Variants in LIPC observed in about 807,000 individuals in gnomAD.
The protein encoded by LIPC is lipase C, hepatic type, also known as hepatic triacylglycerol lipase.
Under a neutral mutation model 50.7 loss-of-function variants are expected in LIPC, and 44 were observed. That is an observed-to-expected ratio of 0.87 (90% CI 0.68 to 1.11). The LOEUF is 1.11. LIPC is among the 50% of genes most tolerant of loss of function. The pLI is 0.00. For synonymous variants in LIPC, 271 were observed against 256.4 expected (o/e 1.06, Z -0.54); for missense variants, 697 against 648.2 (o/e 1.08, Z -0.82).
chr15:58,542,749 C>A (rs1893378056), intron 4 of LIPC, 98 bp downstream of exon 4: 1 of 800,352 alleles, frequency 1.2e-6, no homozygotes, highest in South Asian at 1.3e-5. Flanking sequence ...AACACCCCAA[C>A]ACTTATTGTG....
At chr15:58,448,365 T>G (rs1397621110) in intron 1 of LIPC, among the ~76,000 whole-genome samples, 5 of 152,228 alleles carry the variant, frequency 3.3e-5, no homozygotes, top group Admixed American at 3.3e-4. Flanking sequence ...TCTTCTTAGC[T>G]CAGGACTGGG....
chr15:58,433,185 C>A (rs1475801754), intron 1 of LIPC, among the ~76,000 whole-genome samples: 2 of 152,178 alleles, frequency 1.3e-5, no homozygotes, highest in Non-Finnish European at 2.9e-5. Flanking sequence ...TAATTTAGAG[C>A]CATACAGGTA....
chr15:58,472,240 C>T (rs1890834170), intron 1 of LIPC, among the ~76,000 whole-genome samples: 1 of 142,080 alleles, frequency 7.0e-6, no homozygotes, highest in African/African-American at 2.6e-5. Context: ...CATTGCACTC[C>T]ACCCTGGGCA....
intron 1 of LIPC, among the ~76,000 whole-genome samples, chr15:58,458,159 G>A (rs1179659124): frequency 1.2e-5 from 1 of 85,450 alleles, no homozygotes; most frequent in Non-Finnish European, 2.5e-5. Flanking sequence ...ACAGAAGCAG[G>A]GAAATTGCTG....
intron 1 of LIPC, among the ~76,000 whole-genome samples, chr15:58,497,195 T>A (rs1208491609): frequency 6.6e-6 from 1 of 151,958 alleles, no homozygotes; most frequent in Non-Finnish European, 1.5e-5. Context: ...GTGCAGTAAA[T>A]CCAAATCTTT....
intron 8 of LIPC, 50 bp from the exon 9 acceptor site, chr15:58,568,665 TA>T: frequency 9.7e-7 from 1 of 1,033,226 alleles, no homozygotes. Context: ...AACACTTCAA[TA>T]AGCTCCACCT....
At chr15:58,488,203 G>A (rs768080432) in intron 1 of LIPC, among the ~76,000 whole-genome samples, 12 of 152,294 alleles carry the variant, frequency 7.9e-5, no homozygotes, top group Admixed American at 4.6e-4. Flanking sequence ...TCCAAGAGGC[G>A]GAGGTGGCAT....
chr15:58,561,184 G>T (rs1385815805), intron 7 of LIPC, among the ~76,000 whole-genome samples: 1 of 152,202 alleles, frequency 6.6e-6, no homozygotes, highest in Non-Finnish European at 1.5e-5. Flanking sequence ...GCCTCAGGAG[G>T]TCCTGGTGAC....
At chr15:58,436,734 CA>C (rs764628843) in intron 1 of LIPC, 11 of 456,070 alleles carry the variant, frequency 2.4e-5, no homozygotes, top group Non-Finnish European at 4.4e-5. Flanking sequence ...AGTAGAGAAG[CA>C]GATTTTACTT....
chr15:58,558,102 C>G (rs1455552190), intron 6 of LIPC, among the ~76,000 whole-genome samples: 4 of 150,036 alleles, frequency 2.7e-5, no homozygotes, highest in African/African-American at 4.9e-5. Flanking sequence ...GAGACAGACT[C>G]TTGCCCTGTC....
At chr15:58,451,596 T>A (rs1304161054) in intron 1 of LIPC, among the ~76,000 whole-genome samples, 1 of 152,162 alleles carries the variant, frequency 6.6e-6, no homozygotes, top group African/African-American at 2.4e-5. Flanking sequence ...GGCAGGAGAA[T>A]GGGATGTCTG....
intron 1 of LIPC, among the ~76,000 whole-genome samples, chr15:58,455,136 T>G (rs559670669): frequency 1.2e-3 from 181 of 152,354 alleles, no homozygotes; most frequent in Non-Finnish European, 1.9e-3. Flanking sequence ...TATTTATACA[T>G]GGACATTGGC....
intron 1 of LIPC, among the ~76,000 whole-genome samples, chr15:58,498,226 C>T (rs186556799): frequency 7.2e-5 from 11 of 152,288 alleles, no homozygotes; most frequent in Non-Finnish European, 1.5e-4. Flanking sequence ...ATCTCAAATC[C>T]AGGATCCTCG....
chr15:58,567,306 C>CAT (rs377413022), intron 8 of LIPC, among the ~76,000 whole-genome samples: 44,021 of 106,888 alleles, frequency 0.41, 9,896 homozygotes, highest in Non-Finnish European at 0.53. Flanking sequence ...TATATATATA[C>CAT]ATATATATGT....
intron 1 of LIPC, among the ~76,000 whole-genome samples, chr15:58,432,556 G>T (rs1367609141): frequency 6.6e-6 from 1 of 152,218 alleles, no homozygotes; most frequent in Non-Finnish European, 1.5e-5. Context: ...GGGAATTTAT[G>T]AGAGTTCTAT....
At chr15:58,496,971 C>T (rs1327344397) in intron 1 of LIPC, among the ~76,000 whole-genome samples, 3 of 152,158 alleles carry the variant, frequency 2.0e-5, no homozygotes, top group Non-Finnish European at 4.4e-5. Flanking sequence ...AGGCATAAGC[C>T]ACCGCGCCCG....
rs368875783 is a variant in LIPC, at chr15:58,440,276, T to G, written c.88+8156T>G. ...GGCCTGAAAATATGATCAGGAAAAT[T>G]CTTTTCCTATGAGTGAGGCATTATC... On this transcript the variant is annotated intron_variant, in intron 1 of 8. Transcript: ENST00000299022. 1.4e-4 allele frequency among the ~76,000 whole-genome samples: 22 copies of G among 152,290 alleles called. No individual in the cohort carries two copies. In the East Asian group the frequency reaches 4.2e-3, roughly 29 times the overall value.
chr15:58,450,930 T>C (rs1893877775), intron 1 of LIPC, among the ~76,000 whole-genome samples: 2 of 152,198 alleles, frequency 1.3e-5, no homozygotes, highest in African/African-American at 2.4e-5. Flanking sequence ...CTAGAGGTCT[T>C]TGGAGGCAGA....
intron 1 of LIPC, among the ~76,000 whole-genome samples, chr15:58,526,125 T>C (rs1203901405): frequency 6.6e-6 from 1 of 152,236 alleles, no homozygotes; most frequent in African/African-American, 2.4e-5. Flanking sequence ...CCTGGGATGA[T>C]GCAAATTCCC....
Sources: gnomAD v4.1 joint callset for allele counts (sites outside exome capture counted in the v4.1 genomes callset) on GRCh38, gnomAD v4.1.1 for gene constraint, MANE v1.5 for transcripts, NCBI Gene and HGNC (gene_info 2026-07-23, HGNC 2026-07-21) for gene names.